The following CNTN1 variants were observed in gnomAD, a reference collection of about 807,000 sequenced individuals.
The protein encoded by CNTN1 is contactin-1.
CNTN1 carries 38 observed loss-of-function variants against 126.4 expected under a neutral mutation model. The ratio of observed to expected loss-of-function variants is 0.30; its 90% CI spans 0.23 to 0.39. The LOEUF (loss-of-function observed/expected upper bound fraction) is 0.39, where lower values mean the gene tolerates loss of function less well. Among genes scored for constraint, CNTN1 ranks in the 10% least tolerant of loss-of-function variants. The pLI is 1.00. For synonymous variants in CNTN1, 413 were observed against 422.6 expected (o/e 0.98, Z 0.28); for missense variants, 1,009 against 1,248.4 (o/e 0.81, Z 2.89).
chr12:41,032,058 A>G (rs1488777509), intron 23 of CNTN1, among the ~76,000 whole-genome samples: 1 of 152,204 alleles, frequency 6.6e-6, no homozygotes, highest in Non-Finnish European at 1.5e-5. Context: ...CAACAAATAG[A>G]CATTAAATGC....
intron 2 of CNTN1, among the ~76,000 whole-genome samples, chr12:40,909,470 C>A (rs1944951464): frequency 6.6e-6 from 1 of 151,794 alleles, no homozygotes; most frequent in Non-Finnish European, 1.5e-5. Flanking sequence ...TGTTGAGTGA[C>A]TGTTTTGTTC....
chr12:40,788,902 C>G (rs1466298256), intron 1 of CNTN1, among the ~76,000 whole-genome samples: 1 of 152,050 alleles, frequency 6.6e-6, no homozygotes, highest in East Asian at 1.9e-4. Context: ...ATAGTAGACA[C>G]TTTATACATG....
intron 1 of CNTN1, among the ~76,000 whole-genome samples, chr12:40,830,453 T>C (rs571926703): frequency 1.4e-4 from 21 of 151,678 alleles, no homozygotes; most frequent in Admixed American, 1.1e-3. Context: ...ACAGGGCAAA[T>C]GGAATGAGAG....
At chr12:40,877,619 C>G (rs1943714347) in intron 1 of CNTN1, among the ~76,000 whole-genome samples, 2 of 152,134 alleles carry the variant, frequency 1.3e-5, no homozygotes, top group Non-Finnish European at 2.9e-5. Flanking sequence ...GTAACAGTCT[C>G]TGAATCAAAC....
intron 1 of CNTN1, among the ~76,000 whole-genome samples, chr12:40,717,801 T>C (rs1225281809): frequency 1.3e-5 from 2 of 152,190 alleles, no homozygotes; most frequent in Non-Finnish European, 2.9e-5. Flanking sequence ...TTCAGCAAAA[T>C]AGGGCCTTGT....
chr12:41,024,191 A>G (rs1250300990), intron 20 of CNTN1, among the ~76,000 whole-genome samples: 1 of 152,180 alleles, frequency 6.6e-6, no homozygotes, highest in Non-Finnish European at 1.5e-5. Flanking sequence ...TTATGTAAAT[A>G]AAAAATGCAG....
intron 23 of CNTN1, chr12:41,061,845 G>A (rs1229264801): frequency 2.2e-6 from 1 of 455,242 alleles, no homozygotes; most frequent in East Asian, 7.0e-5. Context: ...AATATTCTCT[G>A]TTGCTAAAGT....
chr12:40,836,080 A>C (rs2772479), intron 1 of CNTN1, among the ~76,000 whole-genome samples: 35,188 of 116,824 alleles, frequency 0.3, 4,698 homozygotes, highest in South Asian at 0.42. Context: ...ATATATACGT[A>C]CATATACAGG....
At chr12:40,849,419 A>G (rs1942636738) in intron 1 of CNTN1, among the ~76,000 whole-genome samples, 1 of 152,106 alleles carries the variant, frequency 6.6e-6, no homozygotes. Context: ...TGACTCCAAA[A>G]GAAGCATATT....
At chr12:41,018,635 G>A (rs280359) in intron 19 of CNTN1, among the ~76,000 whole-genome samples, 13,757 of 150,186 alleles carry the variant, frequency 0.092, 1,021 homozygotes, top group African/African-American at 0.2. Flanking sequence ...TATATTTAAA[G>A]TTATATATAT....
At chr12:40,697,179 C>T (rs1313914488) in intron 1 of CNTN1, among the ~76,000 whole-genome samples, 3 of 152,202 alleles carry the variant, frequency 2.0e-5, no homozygotes, top group Non-Finnish European at 2.9e-5. Flanking sequence ...CCTCATAACA[C>T]TTACTGCCAA....
At chr12:40,960,470 T>C (rs1947066637) in intron 15 of CNTN1, among the ~76,000 whole-genome samples, 1 of 152,060 alleles carries the variant, frequency 6.6e-6, no homozygotes, top group Non-Finnish European at 1.5e-5. Flanking sequence ...CTCAATCTCA[T>C]GCAGCTCCTG....
At chr12:41,030,294 T>C (rs1021170367) in intron 23 of CNTN1, among the ~76,000 whole-genome samples, 1 of 152,112 alleles carries the variant, frequency 6.6e-6, no homozygotes, top group Admixed American at 6.5e-5. Context: ...GAGTATTTAA[T>C]GGTATTTAAT....
At chr12:40,968,987 A>C (rs1262170208) in intron 15 of CNTN1, among the ~76,000 whole-genome samples, 1 of 152,188 alleles carries the variant, frequency 6.6e-6, no homozygotes, top group East Asian at 1.9e-4. Context: ...AGAGTAGAGT[A>C]ACATTTTAGC....
intron 1 of CNTN1, among the ~76,000 whole-genome samples, chr12:40,805,919 T>C (rs1940837150): frequency 6.6e-6 from 1 of 152,182 alleles, no homozygotes; most frequent in African/African-American, 2.4e-5. Context: ...CGTGGCCTGA[T>C]GCTTAGAGAG....
At chr12:40,908,036 T>C (rs1003519038) in intron 1 of CNTN1, among the ~76,000 whole-genome samples, 1 of 152,360 alleles carries the variant, frequency 6.6e-6, no homozygotes, top group Non-Finnish European at 1.5e-5. Context: ...TTATACTCAA[T>C]GGTTACAGAG....
At chr12:40,987,998 C>A (rs1025256629) in intron 16 of CNTN1, among the ~76,000 whole-genome samples, 4 of 148,074 alleles carry the variant, frequency 2.7e-5, no homozygotes, top group African/African-American at 9.9e-5. Flanking sequence ...ACATGAATTT[C>A]TAGATTTTTA....
At chr12:41,028,288 T>C (rs1202893483) in intron 22 of CNTN1, among the ~76,000 whole-genome samples, 1 of 152,092 alleles carries the variant, frequency 6.6e-6, no homozygotes, top group African/African-American at 2.4e-5. Flanking sequence ...TACCTCAACT[T>C]CCCAAAGTGC....
At chr12:41,066,593 A>T (rs1049357252) in intron 23 of CNTN1, among the ~76,000 whole-genome samples, 4 of 152,236 alleles carry the variant, frequency 2.6e-5, no homozygotes, top group African/African-American at 9.6e-5. Context: ...ATGTGACACC[A>T]CAAAGAGAAA....
Sources: gnomAD v4.1 joint callset for allele counts (sites outside exome capture counted in the v4.1 genomes callset) on GRCh38, gnomAD v4.1.1 for gene constraint, MANE v1.5 for transcripts, NCBI Gene and HGNC (gene_info 2026-07-23, HGNC 2026-07-21) for gene names.